The following STT3B variants were observed in gnomAD, a reference collection of about 807,000 sequenced individuals.
STT3B encodes the protein STT3 oligosaccharyltransferase complex catalytic subunit B.
A neutral mutation model predicts 96.8 loss-of-function variants in STT3B; 29 were observed. The ratio of observed to expected loss-of-function variants is 0.30; its 90% confidence interval spans 0.22 to 0.41. The LOEUF is 0.41. Among genes scored for constraint, STT3B ranks in the 10% least tolerant of loss-of-function variants. The probability of loss-of-function intolerance (pLI) is 1.00; values close to 1 mark genes in which losing one functional copy is unlikely to be tolerated. For synonymous variants in STT3B, 367 were observed against 360.0 expected, an observed-to-expected ratio of 1.02 and a Z score of -0.22; for missense variants, 640 against 1,022.3, an observed-to-expected ratio of 0.63 and a Z score of 5.10.
chr3:31,604,776 C>T (rs976571884), intron 5 of STT3B, among the ~76,000 whole-genome samples: 2 of 152,062 alleles, frequency 1.3e-5, no homozygotes, highest in African/African-American at 4.8e-5. Flanking sequence ...GAGAATAGTA[C>T]AGAAGCAGAC....
intron 1 of STT3B, among the ~76,000 whole-genome samples, chr3:31,540,026 A>G (rs999475347): frequency 1.3e-5 from 2 of 152,180 alleles, no homozygotes; most frequent in African/African-American, 2.4e-5. Context: ...AGGTGATACA[A>G]TTATAGCTTG....
rs55707310 is a variant in STT3B at position 31,559,146 on chromosome 3, G to GGTGT, written c.315-17209_315-17206dup. 6.0e-3 allele frequency among the ~76,000 whole-genome samples: 698 copies of GGTGT among 116,506 alleles called. 7 individuals carry two copies. Among genetic ancestry groups the GGTGT allele is most frequent in the African/African-American group, 0.012 (374 of 31,152 alleles). 76.4% of individuals were successfully genotyped at this position (116,506 alleles called of 152,430 possible). A position where few individuals can be genotyped will look rare whatever the true frequency, so the allele number is the denominator to read the frequency against. On this transcript the variant is annotated intron_variant, in intron 1 of 15. Coordinates refer to ENST00000295770, the MANE Select transcript of STT3B (RefSeq NM_178862.3). The stretch of plus-strand genomic sequence containing the variant: ...TTGTTTTTGTTTCATTGATTCTTGG[G>GGTGT]GTGTGTGTGTGTGTGTGTGTGTGTG...
At chr3:31,555,410 T>C (rs1385089581) in intron 1 of STT3B, among the ~76,000 whole-genome samples, 1 of 152,190 alleles carries the variant, frequency 6.6e-6, no homozygotes, top group Non-Finnish European at 1.5e-5. Flanking sequence ...CATTTTGATA[T>C]CTGTATTCTA....
intron 14 of STT3B, among the ~76,000 whole-genome samples, chr3:31,630,275 C>CTTATCAGCCCA (rs1290727438): frequency 6.6e-6 from 1 of 152,206 alleles, no homozygotes; most frequent in Non-Finnish European, 1.5e-5. Flanking sequence ...CTCTAAGACT[C>CTTATCAGCCCA]TTATCAGCCC....
At chr3:31,551,937 AG>A (rs1697571118) in intron 1 of STT3B, among the ~76,000 whole-genome samples, 1 of 152,180 alleles carries the variant, frequency 6.6e-6, no homozygotes, top group East Asian at 1.9e-4. Flanking sequence ...GGAAGAAACC[AG>A]GGCCCCTCAG....
At chr3:31,616,760 A>T (rs1259366596) in intron 6 of STT3B, among the ~76,000 whole-genome samples, 169 bp from the exon 7 acceptor site, 1 of 151,424 alleles carries the variant, frequency 6.6e-6, no homozygotes, top group Non-Finnish European at 1.5e-5. Flanking sequence ...AATTTTTTGG[A>T]TGTATTAATT....
chr3:31,551,464 A>G (rs574760552), intron 1 of STT3B, among the ~76,000 whole-genome samples: 4 of 151,996 alleles, frequency 2.6e-5, no homozygotes, highest in Non-Finnish European at 4.4e-5. Context: ...TGATCCACCC[A>G]CCTTGGCCTC....
At chr3:31,575,366 A>G (rs1698241690) in intron 1 of STT3B, among the ~76,000 whole-genome samples, 1 of 151,916 alleles carries the variant, frequency 6.6e-6, no homozygotes, top group African/African-American at 2.4e-5. Context: ...AACCATCTGA[A>G]TATATTCTCG....
At chr3:31,624,378 A>G (rs1196164366) in intron 11 of STT3B, among the ~76,000 whole-genome samples, 1 of 152,196 alleles carries the variant, frequency 6.6e-6, no homozygotes, top group African/African-American at 2.4e-5. Flanking sequence ...ATGCATAATC[A>G]TATACATTAG....
intron 1 of STT3B, among the ~76,000 whole-genome samples, chr3:31,549,906 T>C (rs779877971): frequency 6.6e-6 from 1 of 152,206 alleles, no homozygotes; most frequent in Non-Finnish European, 1.5e-5. Context: ...TCTATTGGGC[T>C]TAGCTGAGCA....
intron 3 of STT3B, among the ~76,000 whole-genome samples, chr3:31,586,076 T>C (rs1174358770): frequency 6.6e-6 from 1 of 152,104 alleles, no homozygotes. Flanking sequence ...CCTCCACAAA[T>C]ACATGACAGT....
chr3:31,536,008 A>G (rs988458006), intron 1 of STT3B, among the ~76,000 whole-genome samples: 1 of 152,290 alleles, frequency 6.6e-6, no homozygotes, highest in African/African-American at 2.4e-5. Context: ...AATCTAATAT[A>G]ATGTCTAATT....
chr3:31,610,167 A>G (rs1699151719), intron 5 of STT3B, among the ~76,000 whole-genome samples: 1 of 152,172 alleles, frequency 6.6e-6, no homozygotes, highest in Non-Finnish European at 1.5e-5. Context: ...CATATCTACC[A>G]GGGTTCACAG....
In STT3B at chr3:31,581,527, T is replaced by C. The variant is rs181457916; in HGVS notation, c.711+1431T>C. On this transcript the variant is annotated intron_variant, in intron 3 of 15. Transcript: ENST00000295770. ...TTGCATTTTTTAATTTTGAGCACAT[T>C]ACATTCATGAATAAGTCCCAGTTGG... is the stretch of plus-strand genomic sequence containing the variant. Among the ~76,000 whole-genome samples, 66 of 152,328 alleles carry C rather than the reference T, an allele frequency of 4.3e-4. 2 individuals carry two copies. The highest frequency in any genetic ancestry group is 3.2e-3 in the Admixed American group (49 of 15,298).
At chr3:31,549,710 T>C (rs1379885506) in intron 1 of STT3B, among the ~76,000 whole-genome samples, 1 of 152,174 alleles carries the variant, frequency 6.6e-6, no homozygotes, top group Admixed American at 6.5e-5. Context: ...TTAGATAATA[T>C]CTAGTAACAA....
chr3:31,546,740 A>G (rs1163795307), intron 1 of STT3B, among the ~76,000 whole-genome samples: 2 of 152,202 alleles, frequency 1.3e-5, no homozygotes, highest in Middle Eastern at 3.2e-3. Context: ...CTAATTTAGT[A>G]GGAGGTTATA....
intron 1 of STT3B, among the ~76,000 whole-genome samples, chr3:31,560,971 G>A (rs1363671179): frequency 6.6e-6 from 1 of 151,778 alleles, no homozygotes; most frequent in East Asian, 1.9e-4. Context: ...TGTCTGACTA[G>A]GTTATTTCAA....
At chr3:31,560,406 G>C (rs928198796) in intron 1 of STT3B, among the ~76,000 whole-genome samples, 7 of 152,028 alleles carry the variant, frequency 4.6e-5, no homozygotes, top group African/African-American at 1.7e-4. Flanking sequence ...TTCACTTCCA[G>C]ATTAAGTACT....
In STT3B at chr3:31,595,501, T is replaced by G. The variant is rs114367240; in HGVS notation, c.712-1297T>G. 3.9e-3 allele frequency among the ~76,000 whole-genome samples: 591 copies of G among 152,290 alleles called. 6 individuals are homozygous for G. The highest frequency in any genetic ancestry group is 0.013 in the African/African-American group (548 of 41,562). ...CATTTTGACCATTCTTTTACATAGA[T>G]TTTGTTACTCTCATTTCTGTTTTCA... is the stretch of plus-strand genomic sequence containing the variant. On this transcript the variant is annotated intron_variant, in intron 3 of 15. Transcript: ENST00000295770.
Sources: gnomAD v4.1 joint callset for allele counts (sites outside exome capture counted in the v4.1 genomes callset) on GRCh38, gnomAD v4.1.1 for gene constraint, MANE v1.5 for transcripts, NCBI Gene and HGNC (gene_info 2026-07-23, HGNC 2026-07-21) for gene names.